TASP1: variants seen among roughly 807,000 people sequenced by gnomAD.
The protein encoded by TASP1 is threonine aspartase 1.
TASP1 carries 16 observed loss-of-function variants against 56.6 expected under a neutral mutation model. That is an observed-to-expected ratio of 0.28 (90% CI 0.19 to 0.43). TASP1 has a LOEUF of 0.43. Ranked by LOEUF, TASP1 falls within the 20% of genes least tolerant of loss-of-function variation. The probability of loss-of-function intolerance (pLI) is 1.00; values close to 1 mark genes in which losing one functional copy is unlikely to be tolerated. For synonymous variants in TASP1, 179 were observed against 184.2 expected (o/e 0.97, Z 0.23); for missense variants, 393 against 511.6 (o/e 0.77, Z 2.24).
intron 4 of TASP1, chr20:13,617,269 G>GA (rs200042073): frequency 0.022 from 4,405 of 198,200 alleles, 216 homozygotes; most frequent in African/African-American, 0.096. Flanking sequence ...ACCAAGTAAA[G>GA]AAAAAAAACA....
At chr20:13,114,156 C>A in the TASP1 span, among the ~76,000 whole-genome samples, 1 of 152,192 alleles carries the variant, frequency 6.6e-6, no homozygotes, top group Non-Finnish European at 1.5e-5. Context: ...ACCCATTTGA[C>A]CTTTACCATT....
At chr20:13,635,070 T>C (rs1324331863) in intron 1 of TASP1, among the ~76,000 whole-genome samples, 1 of 152,166 alleles carries the variant, frequency 6.6e-6, no homozygotes, top group East Asian at 1.9e-4. Context: ...TTGAATTTGG[T>C]AATGGTTGCA....
At chr20:13,593,304 G>A (rs2047604010) in intron 4 of TASP1, among the ~76,000 whole-genome samples, 1 of 152,172 alleles carries the variant, frequency 6.6e-6, no homozygotes, top group Non-Finnish European at 1.5e-5. Flanking sequence ...CAGAAGACAA[G>A]TGATTTCTGC....
chr20:13,470,770 C>G (rs1278438381), intron 11 of TASP1, among the ~76,000 whole-genome samples: 1 of 152,152 alleles, frequency 6.6e-6, no homozygotes, highest in Non-Finnish European at 1.5e-5. Flanking sequence ...CTGATCCTCT[C>G]TCTCTCCCAG....
At chr20:13,198,691 C>G in the TASP1 span, among the ~76,000 whole-genome samples, 2 of 152,114 alleles carry the variant, frequency 1.3e-5, no homozygotes, top group Admixed American at 6.6e-5. Context: ...TAAAGGGTAA[C>G]TTTGTTTTTC....
At chr20:13,457,491 C>T (rs2043888097) in intron 11 of TASP1, among the ~76,000 whole-genome samples, 1 of 152,006 alleles carries the variant, frequency 6.6e-6, no homozygotes, top group Non-Finnish European at 1.5e-5. Flanking sequence ...TTGTAGTATA[C>T]TTAAAGGATT....
the TASP1 span, among the ~76,000 whole-genome samples, chr20:13,107,350 T>C: frequency 6.6e-6 from 1 of 152,086 alleles, no homozygotes; most frequent in Non-Finnish European, 1.5e-5. Context: ...GAGGAAATAG[T>C]GCTCACAAAG....
chr20:13,300,288 T>C, the TASP1 span: 1 of 152,114 alleles, frequency 6.6e-6, no homozygotes, highest in African/African-American at 2.4e-5. Flanking sequence ...AAACAAGAAG[T>C]AGCACTTTTC....
chr20:13,569,766 A>G (rs188716225), intron 6 of TASP1, among the ~76,000 whole-genome samples, 180 bp from the exon 7 acceptor site: 2 of 152,204 alleles, frequency 1.3e-5, no homozygotes, highest in Admixed American at 1.3e-4. Context: ...TTTTCTCCAA[A>G]TTAGAAATTT....
At chr20:13,208,737 T>C in the TASP1 span, among the ~76,000 whole-genome samples, 944 of 152,312 alleles carry the variant, frequency 6.2e-3, 6 homozygotes, top group Middle Eastern at 0.034. Flanking sequence ...AGACACCACA[T>C]GGAACAGAGC....
intron 7 of TASP1, among the ~76,000 whole-genome samples, chr20:13,561,365 A>C (rs2147083415): frequency 6.6e-6 from 1 of 152,016 alleles, no homozygotes; most frequent in East Asian, 1.9e-4. Flanking sequence ...ACGTGATTTT[A>C]TTTTATTTAT....
chr20:13,449,906 C>G (rs2043552271), intron 11 of TASP1, among the ~76,000 whole-genome samples: 1 of 152,084 alleles, frequency 6.6e-6, no homozygotes, highest in South Asian at 2.1e-4. Context: ...AATTGTACAA[C>G]ATATCAGTGC....
At chr20:13,109,953 T>C in the TASP1 span, among the ~76,000 whole-genome samples, 1 of 152,158 alleles carries the variant, frequency 6.6e-6, no homozygotes, top group Non-Finnish European at 1.5e-5. Flanking sequence ...TACTGAAAAA[T>C]AGACCTCTGT....
At chr20:13,149,126 G>A in the TASP1 span, among the ~76,000 whole-genome samples, 2 of 152,196 alleles carry the variant, frequency 1.3e-5, no homozygotes, top group Middle Eastern at 6.8e-3. Context: ...AAATACTTAC[G>A]GAAACTCTCC....
the TASP1 span, among the ~76,000 whole-genome samples, chr20:13,138,348 A>G: frequency 6.6e-6 from 1 of 151,956 alleles, no homozygotes; most frequent in East Asian, 1.9e-4. Context: ...TCCCCACAAT[A>G]CACTACCCCC....
chr20:13,170,779 C>T, the TASP1 span, among the ~76,000 whole-genome samples: 3 of 152,158 alleles, frequency 2.0e-5, no homozygotes, highest in Non-Finnish European at 4.4e-5. Context: ...ATCATCACAT[C>T]GTGCTCTTAC....
chr20:13,291,835 TC>T, the TASP1 span, among the ~76,000 whole-genome samples: 1 of 152,194 alleles, frequency 6.6e-6, no homozygotes, highest in Non-Finnish European at 1.5e-5. Flanking sequence ...ACCTAACACT[TC>T]CCACTTGCTG....
the TASP1 span, among the ~76,000 whole-genome samples, chr20:13,255,021 T>G: frequency 6.6e-6 from 1 of 152,218 alleles, no homozygotes; most frequent in Non-Finnish European, 1.5e-5. Context: ...TGCCTCATGG[T>G]TCTGACATCC....
chr20:13,513,961 A>G (rs541599874), intron 10 of TASP1, among the ~76,000 whole-genome samples: 2 of 152,260 alleles, frequency 1.3e-5, no homozygotes, highest in African/African-American at 2.4e-5. Flanking sequence ...TGAGAATATT[A>G]TATTTCCATA....
Sources: gnomAD v4.1 joint callset for allele counts (sites outside exome capture counted in the v4.1 genomes callset) on GRCh38, gnomAD v4.1.1 for gene constraint, MANE v1.5 for transcripts, NCBI Gene and HGNC (gene_info 2026-07-23, HGNC 2026-07-21) for gene names.